Variants in STRIP2 observed in about 807,000 individuals in gnomAD.
STRIP2 encodes striatin-interacting protein 2.
A neutral mutation model predicts 107.1 loss-of-function variants in STRIP2; 84 were observed. The ratio of observed to expected loss-of-function variants is 0.78; its 90% CI spans 0.66 to 0.94. The LOEUF is 0.94. Ranked by LOEUF, STRIP2 falls within the 40% of genes least tolerant of loss-of-function variation. STRIP2 has a pLI of 0.00. For missense variants in STRIP2, 888 were observed against 1,034.2 expected (o/e 0.86, Z 1.94); for synonymous variants, 394 against 400.4 (o/e 0.98, Z 0.19).
Position 129,434,507 on chromosome 7 carries a change from C to G in STRIP2, c.35C>G (p.Pro12Arg), listed in dbSNP as rs1205099445. Residue 12 changes from proline to arginine, a missense_variant, in exon 1 of 21, where the codon CCG (proline) becomes CGG (arginine). Physicochemically the swap from Pro to Arg is moderately radical, Grantham distance 103 (BLOSUM62 -2). Transcript: ENST00000249344. ...CCCGCCGCGCCTGGGACCGGGGGCC[C>G]GCCCGCAAATGGCAATGGCAACGGC... The part of the protein sequence containing the change: ...EDPAAPGTGG[P>R]PANGNGNGGG... The G allele has an allele frequency of 1.3e-6, 2 of 1,517,784 alleles. No individual in the cohort carries two copies. The highest frequency in any genetic ancestry group is 4.0e-5 in the Admixed American group (2 of 49,972). 94.0% of individuals were successfully genotyped at this position (1,517,784 alleles called of 1,614,324 possible).
At chr7:129,444,251 T>C (rs935169431) in intron 3 of STRIP2, among the ~76,000 whole-genome samples, 153 bp downstream of exon 3, 39 of 152,110 alleles carry the variant, frequency 2.6e-4, no homozygotes, top group African/African-American at 9.4e-4. Context: ...GATAAATAGA[T>C]AGATATATAT....
chr7:129,464,288 C>A, intron 15 of STRIP2, 147 bp downstream of exon 15: 1 of 690,492 alleles, frequency 1.4e-6, no homozygotes, highest in Non-Finnish European at 2.4e-6. Flanking sequence ...CTTTCCCGTA[C>A]AGGGCTTTCT....
intron 2 of STRIP2, among the ~76,000 whole-genome samples, chr7:129,441,127 A>G (rs1797888060): frequency 6.6e-6 from 1 of 152,146 alleles, no homozygotes; most frequent in Non-Finnish European, 1.5e-5. Context: ...TAAATATATG[A>G]GAAGATATTG....
At chr7:129,437,208 C>T (rs1258149891) in intron 1 of STRIP2, among the ~76,000 whole-genome samples, 1 of 79,576 alleles carries the variant, frequency 1.3e-5, no homozygotes, top group Admixed American at 1.7e-4. Flanking sequence ...GAGACTGAGG[C>T]AGGTGGGTAG....
At chr7:129,443,634 G>A (rs1235704234) in intron 2 of STRIP2, among the ~76,000 whole-genome samples, 1 of 152,196 alleles carries the variant, frequency 6.6e-6, no homozygotes, top group Non-Finnish European at 1.5e-5. Context: ...TTTCCTCTAA[G>A]TTTCAGGAGT....
At position 129,456,678 on chromosome 7, in the gene STRIP2, G is replaced by A. The variant is rs375485513; in HGVS notation, c.1038+36G>A. On this transcript the variant is annotated intron_variant, in intron 9 of 20. Coordinates refer to ENST00000249344, the MANE Select transcript of STRIP2 (RefSeq NM_020704.3). Reference sequence around the variant, plus strand: ...AAGCAGACAATGGTATTGGGACACCGACTGGCCAAAAATCAAGATTCTAAG... The same window carrying A: ...AAGCAGACAATGGTATTGGGACACCAACTGGCCAAAAATCAAGATTCTAAG... The A allele has an allele frequency of 5.2e-4, 818 of 1,569,542 alleles. 1 individual carries two copies. Among genetic ancestry groups the A allele is most frequent in the Admixed American group, 5.9e-4 (34 of 57,796 alleles).
At chr7:129,481,607 T>C (rs898791712) in intron 19 of STRIP2, among the ~76,000 whole-genome samples, 2 of 151,676 alleles carry the variant, frequency 1.3e-5, no homozygotes, top group African/African-American at 4.8e-5. Flanking sequence ...TAGAATATTA[T>C]GCAATCATTA....
At chr7:129,475,253 T>C (rs1447635581) in intron 18 of STRIP2, among the ~76,000 whole-genome samples, 1 of 152,230 alleles carries the variant, frequency 6.6e-6, no homozygotes, top group Non-Finnish European at 1.5e-5. Context: ...AGCAGTGGTA[T>C]GAAATGTAGG....
chr7:129,444,258 A>T (rs1797977718), intron 3 of STRIP2, among the ~76,000 whole-genome samples, 160 bp downstream of exon 3: 1 of 152,198 alleles, frequency 6.6e-6, no homozygotes, highest in Admixed American at 6.5e-5. Context: ...AGATAGATAT[A>T]TATAAAGGGG....
At chr7:129,477,757 A>G (rs1156935482) in intron 18 of STRIP2, 1 of 226,020 alleles carries the variant, frequency 4.4e-6, no homozygotes, top group East Asian at 1.4e-4. Context: ...AAACATGCCA[A>G]CAATTGATTG....
Position 129,485,653 on chromosome 7 carries a change from C to T in STRIP2, c.2329C>T (p.Arg777Cys), listed in dbSNP as rs376069671. The change falls in exon 21 of 21, where the codon CGT (arginine) becomes TGT (cysteine). Residue 777 changes from arginine to cysteine, a missense_variant. Transcript: ENST00000249344. ...GGCCAACATTGAGGCTTTTAACAGC[C>T]GTCGCTATGACAGACCCCAGGACTC... ...LRANIEAFNS[R>C]RYDRPQDSEF... 5.2e-5 allele frequency: 84 copies of T among 1,613,840 alleles called. No homozygotes were observed. Among genetic ancestry groups the T allele is most frequent in the Admixed American group, 1.5e-4 (9 of 59,964 alleles).
chr7:129,477,140 C>A (rs1319389082), intron 18 of STRIP2, among the ~76,000 whole-genome samples: 2 of 136,416 alleles, frequency 1.5e-5, no homozygotes, highest in Non-Finnish European at 3.1e-5. Flanking sequence ...GTCCAGCTTC[C>A]GCTCGGCATC....
rs1400235225 is a variant in STRIP2 at position 129,483,810 on chromosome 7, T to G, written c.2254+764T>G. Among the ~76,000 whole-genome samples the G allele has an allele frequency of 1.3e-5, 2 of 152,164 alleles. No individual in the cohort carries two copies. The highest frequency in any genetic ancestry group is 4.8e-5 in the African/African-American group (2 of 41,444). On this transcript the variant is annotated intron_variant, in intron 20 of 20. Transcript: ENST00000249344. The surrounding 1 kb of genome is among the most constrained non-coding windows in gnomAD (Gnocchi z 5.1). ...CCCAGGCTGGAAAGCAGTGACATGATAATGGCTCACTGCAGCCTCGACTTC... is the reference window on the plus strand; with the variant it reads ...CCCAGGCTGGAAAGCAGTGACATGAGAATGGCTCACTGCAGCCTCGACTTC...
At chr7:129,451,082 GC>G (rs984698665) in intron 3 of STRIP2, among the ~76,000 whole-genome samples, 1 of 150,274 alleles carries the variant, frequency 6.7e-6, no homozygotes, top group Non-Finnish European at 1.5e-5. Context: ...GACTACAGGC[GC>G]CCGCCACTAC....
chr7:129,457,226 C>G (rs1798388385), intron 9 of STRIP2, among the ~76,000 whole-genome samples: 1 of 152,208 alleles, frequency 6.6e-6, no homozygotes, highest in Non-Finnish European at 1.5e-5. Context: ...TGTACTTACA[C>G]AAACCCAGAT....
At chr7:129,482,704 C>G (rs1799157762) in intron 19 of STRIP2, 138 bp from the exon 20 acceptor site, 1 of 992,570 alleles carries the variant, frequency 1.0e-6, no homozygotes, top group Admixed American at 2.4e-5. Flanking sequence ...AAGATTAAAT[C>G]TAAGTAGAGC....
chr7:129,472,033 C>T (rs1306167361), intron 18 of STRIP2, among the ~76,000 whole-genome samples: 2 of 151,900 alleles, frequency 1.3e-5, no homozygotes, highest in African/African-American at 2.4e-5. Context: ...GCTATTAAAT[C>T]GTTAAAACAA....
chr7:129,466,626 C>T (rs1798676576), intron 16 of STRIP2, among the ~76,000 whole-genome samples: 2 of 152,234 alleles, frequency 1.3e-5, no homozygotes, highest in South Asian at 4.2e-4. Context: ...GCCACCTGTC[C>T]CACTGGGTTG....
At chr7:129,462,260 G>A (rs1798560051) in intron 13 of STRIP2, among the ~76,000 whole-genome samples, 1 of 152,232 alleles carries the variant, frequency 6.6e-6, no homozygotes. Context: ...GATTAGTTGT[G>A]TGGGACAGAG....
Sources: allele counts gnomAD v4.1 joint callset (sites outside exome capture counted in the v4.1 genomes callset), GRCh38; gene constraint gnomAD v4.1.1; non-coding constraint Gnocchi (gnomAD v3.1); transcripts MANE v1.5; gene names NCBI Gene and HGNC (gene_info 2026-07-23, HGNC 2026-07-21).